Variants in PTCHD4 observed in about 807,000 individuals in gnomAD.
The protein encoded by PTCHD4 is patched domain-containing protein 4.
A neutral mutation model predicts 58.1 loss-of-function variants in PTCHD4; 33 were observed. The ratio of observed to expected loss-of-function variants is 0.57; its 90% CI spans 0.43 to 0.76. The LOEUF is 0.76. Ranked by LOEUF, PTCHD4 falls within the 30% of genes least tolerant of loss-of-function variation. The probability of loss-of-function intolerance (pLI) is 0.00; values close to 1 mark genes in which losing one functional copy is unlikely to be tolerated. For missense variants in PTCHD4, 1,058 were observed against 1,027.1 expected (o/e 1.03, Z -0.41); for synonymous variants, 478 against 409.6 (o/e 1.17, Z -2.02).
At chr6:47,957,030 G>T (rs1397191282) in intron 4 of PTCHD4, among the ~76,000 whole-genome samples, 6 of 151,734 alleles carry the variant, frequency 4.0e-5, no homozygotes, top group Middle Eastern at 3.4e-3. Flanking sequence ...TGGGTTTGGT[G>T]CCAGGTGCCT....
rs114628963 is a variant in PTCHD4 at position 48,056,086 on chromosome 6, T to C, written c.417+12144A>G. ...CAGCACTAAATGAGAACTCCCTTCC[T>C]AAACAAATACATTTACATTTACTTC... On this transcript the variant is annotated intron_variant, in intron 3 of 4. Coordinates refer to ENST00000339488, the MANE Select transcript of PTCHD4 (RefSeq NM_001384253.1). Among the ~76,000 whole-genome samples, 373 of 152,324 alleles carry C rather than the reference T, an allele frequency of 2.4e-3. 2 individuals are homozygous for C. The highest frequency in any genetic ancestry group is 4.6e-3 in the Non-Finnish European group (313 of 68,032).
At chr6:48,021,604 G>C (rs140079849) in intron 3 of PTCHD4, among the ~76,000 whole-genome samples, 2 of 144,984 alleles carry the variant, frequency 1.4e-5, no homozygotes, top group African/African-American at 2.5e-5. Flanking sequence ...CTAAGTGAAA[G>C]CTAGCTTATT....
chr6:47,959,795 A>G (rs1403578765), intron 4 of PTCHD4, among the ~76,000 whole-genome samples: 1 of 152,048 alleles, frequency 6.6e-6, no homozygotes, highest in Admixed American at 6.6e-5. Context: ...TCCATCTAGA[A>G]TTCTACATCT....
At chr6:47,948,608 G>C (rs1223982067) in intron 4 of PTCHD4, among the ~76,000 whole-genome samples, 1 of 152,158 alleles carries the variant, frequency 6.6e-6, no homozygotes, top group East Asian at 1.9e-4. Context: ...AATTTCTTCT[G>C]TTCTCTCCAT....
chr6:48,088,446 C>G (rs2113899855), intron 1 of PTCHD4, among the ~76,000 whole-genome samples: 1 of 152,172 alleles, frequency 6.6e-6, no homozygotes, highest in East Asian at 1.9e-4. Context: ...TGACTGTCAA[C>G]TGATAGTGTT....
At chr6:48,087,196 G>A (rs1432849156) in intron 1 of PTCHD4, among the ~76,000 whole-genome samples, 1 of 152,112 alleles carries the variant, frequency 6.6e-6, no homozygotes, top group African/African-American at 2.4e-5. Context: ...AATGTGAAAT[G>A]GATTTAATGT....
At chr6:48,048,377 T>G (rs1437890954) in intron 3 of PTCHD4, among the ~76,000 whole-genome samples, 1 of 151,988 alleles carries the variant, frequency 6.6e-6, no homozygotes, top group Non-Finnish European at 1.5e-5. Flanking sequence ...GGGGAAAATA[T>G]TTTTTAGAAA....
At position 47,877,368 on chromosome 6, in the gene PTCHD4, C is replaced by G. The variant is rs1314619774; in HGVS notation, c.*935G>C. Among the ~76,000 whole-genome samples, 1 of 152,028 alleles carries G rather than the reference C, an allele frequency of 6.6e-6. No homozygotes were observed. The highest frequency in any genetic ancestry group is 1.5e-5 in the Non-Finnish European group (1 of 67,962). On this transcript the variant is annotated 3_prime_UTR_variant, in exon 5 of 5. Transcript: ENST00000339488. ...AAGCGCTCATTTGCAATTGGGTGAG[C>G]TCACTGAAAGCAGCCATATCAGTCT...
chr6:47,991,199 C>A lies in PTCHD4; in HGVS notation c.898+17435G>T, dbSNP rs575813206. On this transcript the variant is annotated intron_variant, in intron 4 of 4. Transcript: ENST00000339488. ...TCAGTGAGACAAATTCAAAGCAAAA[C>A]AAATAGAATAAATCAATCAAAGGAA... Among the ~76,000 whole-genome samples, 9 of 151,864 alleles carry A rather than the reference C, an allele frequency of 5.9e-5. No individual in the cohort carries two copies. The South Asian group carries it at 1.7e-3, about 28-fold the overall frequency.
At chr6:48,103,230 G>T (rs530440397) in intron 1 of PTCHD4, among the ~76,000 whole-genome samples, 1 of 152,104 alleles carries the variant, frequency 6.6e-6, no homozygotes, top group Non-Finnish European at 1.5e-5. Flanking sequence ...CACCTCACAC[G>T]GCCGGGTACT....
Position 47,879,497 on chromosome 6 carries a change from G to C in PTCHD4, c.1338C>G (p.Phe446Leu), listed in dbSNP as rs761073773. ...NPYQHHFIQH[F>L]LREHYNEWIT... ...TCCATTCATTATAATGTTCACGGAG[G>C]AAGTGCTGAATGAAGTGGTGCTGGT... The change falls in exon 5 of 5, where the codon TTC becomes TTG. Residue 446 changes from phenylalanine to leucine, a missense_variant. Coordinates refer to ENST00000339488, the MANE Select transcript of PTCHD4 (RefSeq NM_001384253.1). 1 of 1,613,758 alleles carries C rather than the reference G, an allele frequency of 6.2e-7. No homozygotes were observed. The highest frequency in any genetic ancestry group is 8.5e-7 in the Non-Finnish European group (1 of 1,179,770).
intron 1 of PTCHD4, among the ~76,000 whole-genome samples, chr6:48,105,961 G>A (rs1253382534): frequency 6.6e-6 from 1 of 152,068 alleles, no homozygotes; most frequent in African/African-American, 2.4e-5. Flanking sequence ...ATAATTAAGA[G>A]CTTACCAACC....
intron 4 of PTCHD4, among the ~76,000 whole-genome samples, chr6:47,923,435 TG>T (rs1252064382): frequency 6.6e-6 from 1 of 152,240 alleles, no homozygotes; most frequent in African/African-American, 2.4e-5. Context: ...TTTGATATTT[TG>T]TTTTTCCAGA....
chr6:48,077,174 G>A (rs1255227730), intron 1 of PTCHD4, among the ~76,000 whole-genome samples: 2 of 152,158 alleles, frequency 1.3e-5, no homozygotes, highest in Non-Finnish European at 2.9e-5. Flanking sequence ...TCTTATCCAG[G>A]CTTTGTTGTT....
At chr6:47,898,101 C>T (rs913941325) in intron 4 of PTCHD4, among the ~76,000 whole-genome samples, 12 of 151,748 alleles carry the variant, frequency 7.9e-5, no homozygotes, top group Non-Finnish European at 5.9e-5. Context: ...TGTGCCACCA[C>T]ACCCGGCTAA....
At chr6:48,030,881 G>C (rs1314152915) in intron 3 of PTCHD4, among the ~76,000 whole-genome samples, 4 of 152,002 alleles carry the variant, frequency 2.6e-5, no homozygotes, top group African/African-American at 9.7e-5. Flanking sequence ...TTAAATGGCT[G>C]ACTGCTTGTA....
At chr6:48,090,955 C>T (rs1396287234) in intron 1 of PTCHD4, among the ~76,000 whole-genome samples, 2 of 152,126 alleles carry the variant, frequency 1.3e-5, no homozygotes, top group Non-Finnish European at 2.9e-5. Flanking sequence ...CACTTACAAA[C>T]AAGTGTGAAC....
chr6:47,929,686 G>A (rs1230713396), intron 4 of PTCHD4, among the ~76,000 whole-genome samples: 1 of 152,238 alleles, frequency 6.6e-6, no homozygotes, highest in Non-Finnish European at 1.5e-5. Context: ...TGCCTGAGAA[G>A]CAGGCTCTTA....
intron 1 of PTCHD4, among the ~76,000 whole-genome samples, chr6:48,094,986 C>G (rs1765434270): frequency 6.6e-6 from 1 of 152,232 alleles, no homozygotes; most frequent in East Asian, 1.9e-4. Context: ...TACTTCAATG[C>G]AAGCACTGTC....
Sources: gnomAD v4.1 joint callset for allele counts (sites outside exome capture counted in the v4.1 genomes callset) on GRCh38, gnomAD v4.1.1 for gene constraint, MANE v1.5 for transcripts, NCBI Gene and HGNC (gene_info 2026-07-23, HGNC 2026-07-21) for gene names.